GPC5: variants seen among roughly 807,000 people sequenced by gnomAD.
GPC5 encodes glypican-5.
GPC5 carries 47 observed loss-of-function variants against 53.9 expected under a neutral mutation model. The observed-to-expected ratio is 0.87, with a 90% confidence interval of 0.69 to 1.11. The LOEUF (loss-of-function observed/expected upper bound fraction) is 1.11, where lower values mean the gene tolerates loss of function less well. Among genes scored for constraint, GPC5 ranks in the 50% most tolerant of loss-of-function variants. The pLI is 0.00. For synonymous variants in GPC5, 286 were observed against 263.3 expected, an observed-to-expected ratio of 1.09 and a Z score of -0.84; for missense variants, 748 against 713.1, an observed-to-expected ratio of 1.05 and a Z score of -0.56.
At chr13:92,482,048 T>C (rs992930819) in intron 7 of GPC5, among the ~76,000 whole-genome samples, 2 of 151,970 alleles carry the variant, frequency 1.3e-5, no homozygotes, top group Non-Finnish European at 2.9e-5. Context: ...GGAGAATTGC[T>C]TGAACCCTGG....
intron 7 of GPC5, among the ~76,000 whole-genome samples, chr13:92,680,985 G>A (rs1193012380): frequency 6.6e-6 from 1 of 151,752 alleles, no homozygotes; most frequent in Non-Finnish European, 1.5e-5. Context: ...CCTCCAAACT[G>A]GTCAGCATCC....
At chr13:92,108,085 A>G (rs749652824) in intron 6 of GPC5, among the ~76,000 whole-genome samples, 72 of 152,216 alleles carry the variant, frequency 4.7e-4, no homozygotes, top group Non-Finnish European at 1.0e-3. Flanking sequence ...CAACCCAGCC[A>G]CTTTGTTCCA....
intron 7 of GPC5, among the ~76,000 whole-genome samples, chr13:92,591,434 C>T (rs1471872135): frequency 6.6e-6 from 1 of 152,114 alleles, no homozygotes; most frequent in Non-Finnish European, 1.5e-5. Context: ...TTTACAGTCT[C>T]TGCCTGGTGA....
At chr13:92,447,569 C>A (rs1566594652) in intron 7 of GPC5, 1 of 151,950 alleles carries the variant, frequency 6.6e-6, no homozygotes, top group Admixed American at 6.6e-5. Flanking sequence ...CCATACTCAA[C>A]AAACTTCAAA....
intron 4 of GPC5, among the ~76,000 whole-genome samples, chr13:91,736,280 A>G (rs2036813788): frequency 1.3e-5 from 2 of 151,556 alleles, no homozygotes; most frequent in South Asian, 4.1e-4. Flanking sequence ...GAGAAAATAT[A>G]GGTGTGTTTA....
chr13:92,076,212 G>T (rs2041250906), intron 6 of GPC5, among the ~76,000 whole-genome samples: 1 of 151,898 alleles, frequency 6.6e-6, no homozygotes, highest in Non-Finnish European at 1.5e-5. Context: ...GGGACTACAG[G>T]CGCCCACCAC....
intron 4 of GPC5, among the ~76,000 whole-genome samples, chr13:91,743,161 A>C (rs1252698346): frequency 6.6e-6 from 1 of 152,078 alleles, no homozygotes; most frequent in Admixed American, 6.6e-5. Context: ...CAACAAGTGA[A>C]TCTTCTACCC....
At chr13:91,470,287 G>C (rs1882531886) in intron 2 of GPC5, among the ~76,000 whole-genome samples, 1 of 152,020 alleles carries the variant, frequency 6.6e-6, no homozygotes, top group African/African-American at 2.4e-5. Flanking sequence ...TCTCTACAAG[G>C]CCTGTCTGTG....
At chr13:92,205,482 C>T (rs768929532) in intron 7 of GPC5, among the ~76,000 whole-genome samples, 5 of 152,096 alleles carry the variant, frequency 3.3e-5, no homozygotes, top group Non-Finnish European at 7.4e-5. Context: ...AACAAAGACT[C>T]TCCGATCATT....
chr13:92,333,257 T>C (rs1053267159), intron 7 of GPC5, among the ~76,000 whole-genome samples: 3 of 152,172 alleles, frequency 2.0e-5, no homozygotes, highest in Admixed American at 6.6e-5. Context: ...AGTCTCCTCA[T>C]CGTTCTGGTG....
intron 7 of GPC5, among the ~76,000 whole-genome samples, chr13:92,715,036 G>C (rs1405398143): frequency 6.6e-6 from 1 of 152,186 alleles, no homozygotes; most frequent in African/African-American, 2.4e-5. Flanking sequence ...CTGCACTCCA[G>C]CCTGGACGAC....
rs67467167 is a variant in GPC5 at position 92,069,408 on chromosome 13, ATGTGTGTGTG to A, written c.1402-75392_1402-75383del. On this transcript the variant is annotated intron_variant, in intron 6 of 7. Coordinates refer to ENST00000377067, the MANE Select transcript of GPC5 (RefSeq NM_004466.6). ...CTTTATTATCATAATGTGTGCGTGC[ATGTGTGTGTG>A]TGTGTGTGTGTGTGTGTGTGTGTGT... Among the ~76,000 whole-genome samples the A allele has an allele frequency of 1.9e-4, 27 of 143,202 alleles. No individual in the cohort carries two copies. In the East Asian group the frequency reaches 1.9e-3, roughly 10 times the overall value. The allele number at this position is 143,202 out of a possible 152,430, so 93.9% of individuals were successfully genotyped here. A position where few individuals can be genotyped will look rare whatever the true frequency, so the allele number is the denominator to read the frequency against.
chr13:92,596,938 T>A (rs1163086982), intron 7 of GPC5, among the ~76,000 whole-genome samples: 1 of 152,186 alleles, frequency 6.6e-6, no homozygotes, highest in Non-Finnish European at 1.5e-5. Flanking sequence ...TTTGGCAAGA[T>A]CCACAGCCCT....
intron 5 of GPC5, among the ~76,000 whole-genome samples, chr13:91,839,153 T>C (rs1231025130): frequency 1.3e-5 from 2 of 152,230 alleles, no homozygotes; most frequent in Non-Finnish European, 2.9e-5. Context: ...GCCAAATTGA[T>C]TCTGTCATTT....
At chr13:91,846,583 A>G (rs1204720379) in intron 5 of GPC5, among the ~76,000 whole-genome samples, 1 of 152,050 alleles carries the variant, frequency 6.6e-6, no homozygotes, top group Non-Finnish European at 1.5e-5. Context: ...AAGTACTAGT[A>G]TGACTAGGCT....
intron 7 of GPC5, among the ~76,000 whole-genome samples, chr13:92,486,107 T>G (rs369172815): frequency 5.9e-5 from 9 of 152,364 alleles, no homozygotes; most frequent in African/African-American, 2.2e-4. Context: ...TGTCACATGC[T>G]CCATCACATT....
intron 3 of GPC5, among the ~76,000 whole-genome samples, chr13:91,718,532 T>C (rs1448941719): frequency 6.6e-6 from 1 of 152,192 alleles, no homozygotes; most frequent in Admixed American, 6.5e-5. Flanking sequence ...AAGAGTTTTG[T>C]AGTTTGTGGT....
chr13:91,784,451 G>T (rs1446200746), intron 5 of GPC5, among the ~76,000 whole-genome samples: 1 of 152,084 alleles, frequency 6.6e-6, no homozygotes, highest in Admixed American at 6.5e-5. Context: ...GAGGCCGGGC[G>T]CAGTGGCTCA....
intron 7 of GPC5, among the ~76,000 whole-genome samples, chr13:92,333,515 C>G (rs148712485): frequency 6.6e-6 from 1 of 151,970 alleles, no homozygotes; most frequent in East Asian, 1.9e-4. Flanking sequence ...TCTAGTCTTC[C>G]TTTTCTATTT....
Sources: allele counts gnomAD v4.1 joint callset (sites outside exome capture counted in the v4.1 genomes callset), GRCh38; gene constraint gnomAD v4.1.1; transcripts MANE v1.5; gene names NCBI Gene and HGNC (gene_info 2026-07-23, HGNC 2026-07-21).